CYTH2: variants seen among roughly 807,000 people sequenced by gnomAD.
CYTH2 encodes the protein cytohesin 2.
In CYTH2, 24 loss-of-function variants were observed where a neutral mutation model predicts 55.4. The observed-to-expected ratio is 0.43, with a 90% CI of 0.31 to 0.61. CYTH2 has a LOEUF of 0.61. Among genes scored for constraint, CYTH2 ranks in the 20% least tolerant of loss-of-function variants. The probability of loss-of-function intolerance (pLI) is 0.08; values close to 1 mark genes in which losing one functional copy is unlikely to be tolerated. For synonymous variants in CYTH2, 221 were observed against 209.6 expected (o/e 1.05, Z -0.47); for missense variants, 378 against 533.5 (o/e 0.71, Z 2.87).
chr19:48,475,607 A>G (rs779880690), intron 8 of CYTH2: 25 of 157,950 alleles, frequency 1.6e-4, no homozygotes, highest in Non-Finnish European at 2.6e-4. Flanking sequence ...GTCGGTTAGC[A>G]TGGATCAGAC....
rs781556444 is a variant in CYTH2 at position 48,472,490 on chromosome 19, C to A, written c.353+47C>A. ...TGTGGGGCCCCTCCCTCCCACCCCC[C>A]AGACCCAGCTCCTGCCCTCACACTG... On this transcript the variant is annotated intron_variant, in intron 4 of 11. Coordinates refer to ENST00000452733, the MANE Select transcript of CYTH2 (RefSeq NM_004228.7). The A allele has an allele frequency of 1.2e-5, 17 of 1,465,958 alleles. No individual in the cohort carries two copies. In the South Asian group the frequency reaches 1.7e-4, roughly 15 times the overall value. 90.8% of individuals were successfully genotyped at this position (1,465,958 alleles called of 1,614,324 possible). A position where few individuals can be genotyped will look rare whatever the true frequency, so the allele number is the denominator to read the frequency against.
chr19:48,469,444 C>T lies in CYTH2; in HGVS notation c.-64C>T. 1.5e-6 allele frequency: 2 copies of T among 1,320,718 alleles called. No homozygotes were observed. The highest frequency in any genetic ancestry group is 1.9e-6 in the Non-Finnish European group (2 of 1,026,608). 81.8% of individuals were successfully genotyped at this position (1,320,718 alleles called of 1,614,324 possible). ...AGCGGGCTCACCCGAGCCCGCGGGC[C>T]AACGCGGATCCAGGCCCGACTGGCG... On this transcript the variant is annotated 5_prime_UTR_variant, in exon 1 of 12. Transcript: ENST00000452733.
Position 48,478,163 on chromosome 19 carries a change from C to T in CYTH2, c.885+18C>T, listed in dbSNP as rs376232946. ...ACACCACGGTGAGCGTGACCCGACCCGGGCTCTGGGGTCCTGGGCGGAGTG... is the reference window on the plus strand; with the variant it reads ...ACACCACGGTGAGCGTGACCCGACCTGGGCTCTGGGGTCCTGGGCGGAGTG... On this transcript the variant is annotated intron_variant, in intron 9 of 11. Coordinates refer to ENST00000452733, the MANE Select transcript of CYTH2 (RefSeq NM_004228.7). 45 of 1,613,386 alleles carry T rather than the reference C, an allele frequency of 2.8e-5. No homozygotes were observed. The highest frequency in any genetic ancestry group is 2.1e-4 in the African/African-American group (16 of 74,914).
In CYTH2 at chr19:48,473,389, G is replaced by C; in HGVS notation, c.434+11G>C. ...GGTGCAGGCCCTCAGGTGAGTGAGG[G>C]GGAGGGGTTTGGAACGCCAGGAATG... On this transcript the variant is annotated intron_variant, in intron 5 of 11. Transcript: ENST00000452733. 1 of 1,613,828 alleles carries C rather than the reference G, an allele frequency of 6.2e-7. No homozygotes were observed. Among genetic ancestry groups the C allele is most frequent in the South Asian group, 1.1e-5 (1 of 91,060 alleles).
rs772363521 is a variant in CYTH2 at position 48,472,752 on chromosome 19, G to A, written c.353+309G>A. 76 of 418,226 alleles carry A rather than the reference G, an allele frequency of 1.8e-4. 1 individual carries two copies. The highest frequency in any genetic ancestry group is 2.7e-4 in the Non-Finnish European group (60 of 220,456). 25.9% of individuals were successfully genotyped at this position (418,226 alleles called of 1,614,324 possible). ...AGGATCATGGGAGCTTGAGAACCGTGGGTAGACCATGGCTGTGCATAGGCA... is the reference window on the plus strand; with the variant it reads ...AGGATCATGGGAGCTTGAGAACCGTAGGTAGACCATGGCTGTGCATAGGCA... On this transcript the variant is annotated intron_variant, in intron 4 of 11. Transcript: ENST00000452733.
In CYTH2 at chr19:48,480,018, G is replaced by C. The variant is rs1050217625; in HGVS notation, c.*808G>C. 2 of 152,300 alleles carry C rather than the reference G, an allele frequency of 1.3e-5. No individual in the cohort carries two copies. The highest frequency in any genetic ancestry group is 2.9e-5 in the Non-Finnish European group (2 of 68,098). The allele number at this position is 152,300 out of a possible 1,614,324, so 9.4% of individuals were successfully genotyped here. A position where few individuals can be genotyped will look rare whatever the true frequency, so the allele number is the denominator to read the frequency against. On this transcript the variant is annotated 3_prime_UTR_variant, in exon 12 of 12. Transcript: ENST00000452733. The stretch of plus-strand genomic sequence containing the variant: ...CATTTTGTGTCAAGGATAGGGCTGA[G>C]GACCTGCGTTCTGAACGTCTTTCCT...
rs185882693 is a variant in CYTH2, at chr19:48,475,283, C to G, written c.808+334C>G. On this transcript the variant is annotated intron_variant, in intron 8 of 11. Coordinates refer to ENST00000452733, the MANE Select transcript of CYTH2 (RefSeq NM_004228.7). Reference sequence around the variant, plus strand: ...GAGAAGAGTTCACTCAGGCTTCTTTCCACTGCGTTAACCCAGCCCGAGGGA... The same window carrying G: ...GAGAAGAGTTCACTCAGGCTTCTTTGCACTGCGTTAACCCAGCCCGAGGGA... 28 of 289,620 alleles carry G rather than the reference C, an allele frequency of 9.7e-5. 2 individuals carry two copies. In the South Asian group the frequency reaches 1.3e-3, roughly 13 times the overall value. 17.9% of individuals were successfully genotyped at this position (289,620 alleles called of 1,614,324 possible). A position where few individuals can be genotyped will look rare whatever the true frequency, so the allele number is the denominator to read the frequency against.
chr19:48,473,010 T>G (rs1971835810), intron 4 of CYTH2: 3 of 388,014 alleles, frequency 7.7e-6, no homozygotes, highest in African/African-American at 2.0e-5. Flanking sequence ...ATGGGGATCA[T>G]TTGAGAGAGG....
Position 48,478,258 on chromosome 19 carries a change from C to G in CYTH2, c.886-17C>G. ...GAGGACTTGGAAGTCTGAGTTCTGT[C>G]CACCTTGCTTCTTCAGGACAAGGAG... On this transcript the variant is annotated splice_polypyrimidine_tract_variant and intron_variant, in intron 9 of 11. Coordinates refer to ENST00000452733, the MANE Select transcript of CYTH2 (RefSeq NM_004228.7). 6.2e-7 allele frequency: 1 copy of G among 1,612,106 alleles called. No individual in the cohort carries two copies. Among genetic ancestry groups the G allele is most frequent in the Non-Finnish European group, 8.5e-7 (1 of 1,179,366 alleles).
At chr19:48,470,202 C>T in intron 1 of CYTH2, 151 bp from the exon 2 acceptor site, 1 of 1,202,190 alleles carries the variant, frequency 8.3e-7, no homozygotes, top group Non-Finnish European at 1.2e-6. Context: ...TTCTCCTCTG[C>T]AGGGAGGAAT....
rs571909771 is a variant in CYTH2, at chr19:48,477,601, C to A, written c.809-468C>A. 4.6e-5 allele frequency: 8 copies of A among 172,956 alleles called. No homozygotes were observed. The South Asian group carries it at 7.0e-4, about 15-fold the overall frequency. 10.7% of individuals were successfully genotyped at this position (172,956 alleles called of 1,614,324 possible). ...TTTGCCTCTCTGTCCTGCCCCTGCG[C>A]ACCCCTCCCTGTGCCCACCCTGTTT... On this transcript the variant is annotated intron_variant, in intron 8 of 11. Coordinates refer to ENST00000452733, the MANE Select transcript of CYTH2 (RefSeq NM_004228.7).
chr19:48,473,511 G>A, intron 5 of CYTH2, 133 bp downstream of exon 5: 1 of 861,932 alleles, frequency 1.2e-6, no homozygotes, highest in Non-Finnish European at 1.9e-6. Context: ...AACTGAGTGT[G>A]TCCTGCACCA....
chr19:48,477,259 A>C (rs1217128896), intron 8 of CYTH2: 1 of 152,434 alleles, frequency 6.6e-6, no homozygotes, highest in Non-Finnish European at 1.5e-5. Context: ...CAGTTTGTGC[A>C]GGAGCTGAGA....
Position 48,478,102 on chromosome 19 carries a change from TTATCCTCAC to T in CYTH2, c.843_851del (p.Phe281_Thr284delinsLeu). 1 of 1,614,104 alleles carries T rather than the reference TTATCCTCAC, an allele frequency of 6.2e-7. No homozygotes were observed. The highest frequency in any genetic ancestry group is 1.1e-5 in the South Asian group (1 of 91,082). Reference sequence around the variant, plus strand: ...GTGAAGACGTGGAAGCGGCGCTGGTTTATCCTCACAGACAACTGCCTCTACTACTTTGAG... The same window carrying T: ...GTGAAGACGTGGAAGCGGCGCTGGTTAGACAACTGCCTCTACTACTTTGAG... On this transcript the variant is annotated inframe_deletion, in exon 9 of 12. Transcript: ENST00000452733.
chr19:48,474,134 T>A lies in CYTH2; in HGVS notation c.548-48T>A, dbSNP rs567141309. ...CCTGGGTCCTGGGGAATGGGGGCAC[T>A]GGGGACTGACATGCCTGGGTCGTCA... On this transcript the variant is annotated intron_variant, in intron 6 of 11. Coordinates refer to ENST00000452733, the MANE Select transcript of CYTH2 (RefSeq NM_004228.7). This position sits in a 1 kb window ranked among gnomAD's most constrained non-coding sequence, Gnocchi z 4.9. 17 of 1,556,358 alleles carry A rather than the reference T, an allele frequency of 1.1e-5. No homozygotes were observed. The highest frequency in any genetic ancestry group is 1.5e-5 in the Non-Finnish European group (17 of 1,149,948).
At position 48,474,311 on chromosome 19, in the gene CYTH2, T is replaced by C; in HGVS notation, c.677T>C (p.Leu226Pro). Residue 226 changes from leucine to proline, a missense_variant, in exon 7 of 12, where the codon CTG becomes CCG. Transcript: ENST00000452733. The surrounding 1 kb of genome is among the most constrained non-coding windows in gnomAD (Gnocchi z 4.9). The stretch of plus-strand genomic sequence containing the variant: ...CGGGGCATCAACGAGGGCGGGGACC[T>C]GCCTGAGGAGCTGCTCAGGGTCAGT... The part of the protein sequence containing the change: ...MNRGINEGGD[L>P]PEELLRNLYD... 1 of 1,609,366 alleles carries C rather than the reference T, an allele frequency of 6.2e-7. No homozygotes were observed. The highest frequency in any genetic ancestry group is 8.5e-7 in the Non-Finnish European group (1 of 1,177,596).
At chr19:48,476,254 A>G (rs1971909897) in intron 8 of CYTH2, 1 of 227,904 alleles carries the variant, frequency 4.4e-6, no homozygotes. Flanking sequence ...CCTGGGCAAT[A>G]TAATGATACC....
intron 8 of CYTH2, chr19:48,477,772 G>C: frequency 2.2e-6 from 1 of 446,922 alleles, no homozygotes; most frequent in African/African-American, 2.0e-5. Flanking sequence ...GGAGGGGGCT[G>C]CCCTGGCGCC....
In CYTH2 at chr19:48,479,361, T is replaced by A; in HGVS notation, c.*151T>A. On this transcript the variant is annotated 3_prime_UTR_variant, in exon 12 of 12. Coordinates refer to ENST00000452733, the MANE Select transcript of CYTH2 (RefSeq NM_004228.7). ...TTCTTTGTAATTAACACGCTGTTGG[T>A]AATCTTATTAATTATTTAACCACTT... 2 of 701,800 alleles carry A rather than the reference T, an allele frequency of 2.8e-6. No individual in the cohort carries two copies. The highest frequency in any genetic ancestry group is 4.8e-6 in the Non-Finnish European group (2 of 419,236). 43.5% of individuals were successfully genotyped at this position (701,800 alleles called of 1,614,324 possible).
Sources: gnomAD v4.1 joint callset for allele counts on GRCh38, gnomAD v4.1.1 for gene constraint, Gnocchi (gnomAD v3.1) non-coding constraint, MANE v1.5 for transcripts, NCBI Gene and HGNC (gene_info 2026-07-23, HGNC 2026-07-21) for gene names.